The following ANXA8 variants were observed in gnomAD, a reference collection of about 807,000 sequenced individuals.
ANXA8 encodes VAC-beta.
A neutral mutation model predicts 26.8 loss-of-function variants in ANXA8; 9 were observed. The observed-to-expected ratio is 0.34, with a 90% CI of 0.20 to 0.59. The LOEUF (loss-of-function observed/expected upper bound fraction) is 0.59, where lower values mean the gene tolerates loss of function less well. Among genes scored for constraint, ANXA8 ranks in the 20% least tolerant of loss-of-function variants. The pLI is 0.84. For missense variants in ANXA8, 83 were observed against 238.5 expected (o/e 0.35, Z 4.29); for synonymous variants, 39 against 94.8 (o/e 0.41, Z 3.42).
At chr10:47,682,601 C>T in the ANXA8 span, among the ~76,000 whole-genome samples, 1 of 151,428 alleles carries the variant, frequency 6.6e-6, no homozygotes, top group Non-Finnish European at 1.5e-5. Flanking sequence ...TCCTGAGTAG[C>T]TGGGACTACA....
the ANXA8 span, among the ~76,000 whole-genome samples, chr10:47,658,996 C>T: frequency 1.2e-4 from 18 of 149,696 alleles, no homozygotes; most frequent in Admixed American, 7.9e-4. Context: ...CTCAGCCTCC[C>T]AAGTAGCTGG....
At chr10:47,535,644 A>C in the ANXA8 span, among the ~76,000 whole-genome samples, 1 of 138,022 alleles carries the variant, frequency 7.2e-6, no homozygotes, top group Non-Finnish European at 1.5e-5. Flanking sequence ...ATGTGTATAT[A>C]GATACGTATA....
the ANXA8 span, among the ~76,000 whole-genome samples, chr10:47,733,231 CTCTCTTTCTTTCTTTCTT>C: frequency 1.1e-4 from 8 of 75,072 alleles, no homozygotes; most frequent in East Asian, 1.1e-3. Context: ...CTCTTTCTTT[CTCTCTTTCTTTCTTTCTT>C]TCTTTCTTTC....
the ANXA8 span, among the ~76,000 whole-genome samples, chr10:47,975,170 G>A: frequency 1.3e-5 from 2 of 149,308 alleles, no homozygotes; most frequent in Non-Finnish European, 1.5e-5. Flanking sequence ...ATAAGGGATA[G>A]AAAGTATCTT....
chr10:47,757,499 GAGTTTAAGGGGCTTGTGC>G, the ANXA8 span, among the ~76,000 whole-genome samples: 3 of 82,754 alleles, frequency 3.6e-5, no homozygotes, highest in African/African-American at 1.0e-4. Flanking sequence ...GTGGTCTGGA[GAGTTTAAGGGGCTTGTGC>G]AGTCCTGTGG....
chr10:47,670,010 C>T, the ANXA8 span, among the ~76,000 whole-genome samples: 2 of 151,900 alleles, frequency 1.3e-5, no homozygotes, highest in Non-Finnish European at 2.9e-5. Context: ...TAAGCAGTCA[C>T]TCCCCATTCC....
At chr10:47,894,926 C>T in the ANXA8 span, among the ~76,000 whole-genome samples, 1 of 152,048 alleles carries the variant, frequency 6.6e-6, no homozygotes, top group South Asian at 2.1e-4. Context: ...ACACATCACA[C>T]ACACCACATA....
chr10:47,710,950 C>T, the ANXA8 span, among the ~76,000 whole-genome samples: 1 of 139,072 alleles, frequency 7.2e-6, no homozygotes, highest in Non-Finnish European at 1.5e-5. Flanking sequence ...TAAATTTATT[C>T]CCAGATATAC....
the ANXA8 span, among the ~76,000 whole-genome samples, chr10:47,779,309 T>C: frequency 1.4e-3 from 113 of 79,218 alleles, 1 homozygote; most frequent in African/African-American, 5.4e-3. Flanking sequence ...GAGCAAGAGC[T>C]GACTTTGCAA....
the ANXA8 span, among the ~76,000 whole-genome samples, chr10:47,623,966 G>A: frequency 3.0e-5 from 3 of 98,454 alleles, no homozygotes; most frequent in South Asian, 1.0e-3. Flanking sequence ...GCCGGGCGCA[G>A]TGGCTGATGC....
At chr10:47,755,116 C>G in the ANXA8 span, among the ~76,000 whole-genome samples, 4 of 151,056 alleles carry the variant, frequency 2.6e-5, no homozygotes, top group Non-Finnish European at 5.9e-5. Flanking sequence ...ACCACCACGC[C>G]TAGCTAACTT....
At chr10:47,590,693 T>A in the ANXA8 span, among the ~76,000 whole-genome samples, 1 of 145,450 alleles carries the variant, frequency 6.9e-6, no homozygotes, top group Non-Finnish European at 1.5e-5. Context: ...GAGCTGATGA[T>A]AAAACCTATT....
chr10:47,914,954 G>C, the ANXA8 span, among the ~76,000 whole-genome samples: 2 of 152,280 alleles, frequency 1.3e-5, no homozygotes, highest in East Asian at 1.9e-4. Flanking sequence ...TTGTGCTGTT[G>C]ATTTCCTAAA....
At chr10:47,939,340 C>G in the ANXA8 span, among the ~76,000 whole-genome samples, 1 of 137,690 alleles carries the variant, frequency 7.3e-6, no homozygotes, top group Non-Finnish European at 1.5e-5. Flanking sequence ...GTGGCATGGT[C>G]TTGCCATGCG....
the ANXA8 span, among the ~76,000 whole-genome samples, chr10:47,548,892 C>G: frequency 6.6e-6 from 1 of 152,250 alleles, no homozygotes; most frequent in Non-Finnish European, 1.5e-5. Context: ...ACCTACTCAC[C>G]TCAAGGGTGT....
the ANXA8 span, among the ~76,000 whole-genome samples, chr10:47,661,872 A>G: frequency 6.8e-6 from 1 of 147,146 alleles, no homozygotes; most frequent in Non-Finnish European, 1.5e-5. Context: ...AATAATCAAC[A>G]TTTATTTTAG....
the ANXA8 span, among the ~76,000 whole-genome samples, chr10:47,730,637 T>G: frequency 6.6e-6 from 1 of 152,190 alleles, no homozygotes; most frequent in Admixed American, 6.5e-5. Flanking sequence ...GTCTTTTGGT[T>G]TCTTCCTTTC....
chr10:47,941,785 C>T, the ANXA8 span, among the ~76,000 whole-genome samples: 2 of 147,988 alleles, frequency 1.4e-5, no homozygotes, highest in African/African-American at 2.6e-5. Context: ...TCCAACACCA[C>T]CTACTATGGG....
chr10:47,922,876 AT>A, the ANXA8 span: 1 of 1,101,948 alleles, frequency 9.1e-7, no homozygotes, highest in Non-Finnish European at 1.3e-6. Flanking sequence ...GGCCATCCCC[AT>A]CTGCCATGGG....
Sources: allele counts gnomAD v4.1 joint callset (sites outside exome capture counted in the v4.1 genomes callset), GRCh38; gene constraint gnomAD v4.1.1; transcripts MANE v1.5; gene names NCBI Gene and HGNC (gene_info 2026-07-23, HGNC 2026-07-21).